Variants in OSBPL3 observed in about 807,000 individuals in gnomAD.
The protein encoded by OSBPL3 is oxysterol-binding protein-related protein 3.
A neutral mutation model predicts 120.1 loss-of-function variants in OSBPL3; 65 were observed. That is an observed-to-expected ratio of 0.54 (90% CI 0.44 to 0.67). The LOEUF (loss-of-function observed/expected upper bound fraction) is 0.67. OSBPL3 is among the 30% of genes least tolerant of loss of function. The pLI, the probability that OSBPL3 is intolerant of heterozygous loss-of-function variation, is 0.00. For synonymous variants in OSBPL3, 416 were observed against 402.6 expected (o/e 1.03, Z -0.40); for missense variants, 1,004 against 1,082.1 (o/e 0.93, Z 1.01).
chr7:24,814,941 T>C, intron 19 of OSBPL3, 118 bp downstream of exon 19: 1 of 921,566 alleles, frequency 1.1e-6, no homozygotes, highest in Non-Finnish European at 1.7e-6. Context: ...AGCTCAGGCA[T>C]TGCTTGCCTG....
chr7:24,930,160 T>C lies in OSBPL3; in HGVS notation c.-149-37539A>G, dbSNP rs1005637764. On this transcript the variant is annotated intron_variant, in intron 1 of 22. Transcript: ENST00000313367. This position sits in a 1 kb window ranked among gnomAD's most constrained non-coding sequence, Gnocchi z 4.4. ...CTGGAAAGGTTAATGACCAACTGAA[T>C]TGATGGCTTTATTCTTCTAATTAAC... 6.6e-6 allele frequency among the ~76,000 whole-genome samples: 1 copy of C among 152,200 alleles called. No homozygotes were observed. The highest frequency in any genetic ancestry group is 2.1e-4 in the South Asian group (1 of 4,832).
chr7:24,889,158 T>A (rs9639502), intron 2 of OSBPL3, among the ~76,000 whole-genome samples: 19,711 of 152,242 alleles, frequency 0.13, 1,923 homozygotes, highest in East Asian at 0.51. Flanking sequence ...TGCAGTGGAC[T>A]ACTATTCAGC....
Position 24,979,982 on chromosome 7 carries a change from G to C in OSBPL3, c.-246C>G, listed in dbSNP as rs946055553. 2 of 985,224 alleles carry C rather than the reference G, an allele frequency of 2.0e-6. No individual in the cohort carries two copies. The highest frequency in any genetic ancestry group is 2.4e-6 in the Non-Finnish European group (2 of 829,968). The allele number at this position is 985,224 out of a possible 1,614,324, so 61.0% of individuals were successfully genotyped here. A position where few individuals can be genotyped will look rare whatever the true frequency, so the allele number is the denominator to read the frequency against. On this transcript the variant is annotated 5_prime_UTR_variant, in exon 1 of 23. Transcript: ENST00000313367. The stretch of plus-strand genomic sequence containing the variant: ...GGAGAAGGCAACCCCGGCTTCTCCG[G>C]TACCCCCGCAACGTGCAGCTGACAG...
Position 24,849,273 on chromosome 7 carries a change from G to C in OSBPL3, c.1159-97C>G. The C allele has an allele frequency of 7.1e-6, 6 of 847,516 alleles. No homozygotes were observed. Among genetic ancestry groups the C allele is most frequent in the Non-Finnish European group, 1.1e-5 (6 of 526,382 alleles). 52.5% of individuals were successfully genotyped at this position (847,516 alleles called of 1,614,324 possible). On this transcript the variant is annotated intron_variant, in intron 11 of 22. Transcript: ENST00000313367. This position sits in a 1 kb window ranked among gnomAD's most constrained non-coding sequence, Gnocchi z 5.4. The stretch of plus-strand genomic sequence containing the variant: ...CAGGAGCGATCTCTAAGAGCTTGAT[G>C]AAACTCTTAGTGACGTGGTCTGACA...
At chr7:24,920,025 T>C (rs1397540468) in intron 1 of OSBPL3, among the ~76,000 whole-genome samples, 2 of 152,052 alleles carry the variant, frequency 1.3e-5, no homozygotes, top group Non-Finnish European at 2.9e-5. Context: ...ATCAAGGATG[T>C]GGAGAAACTG....
chr7:24,904,008 G>A (rs775473665), intron 1 of OSBPL3, among the ~76,000 whole-genome samples: 7 of 151,476 alleles, frequency 4.6e-5, no homozygotes, highest in Admixed American at 4.6e-4. Context: ...TCAGCCTCCC[G>A]AGTAGCGGAG....
At position 24,937,095 on chromosome 7, in the gene OSBPL3, A is replaced by G. The variant is rs1812514728; in HGVS notation, c.-150+42791T>C. ...CTGGGGAAGCCTCAGGAAACTTACA[A>G]TCATGGCAGAAGGGGAAGCAAACAT... is the stretch of plus-strand genomic sequence containing the variant. On this transcript the variant is annotated intron_variant, in intron 1 of 22. Coordinates refer to ENST00000313367, the MANE Select transcript of OSBPL3 (RefSeq NM_015550.4). This position sits in a 1 kb window ranked among gnomAD's most constrained non-coding sequence, Gnocchi z 4.0. Among the ~76,000 whole-genome samples, 1 of 152,220 alleles carries G rather than the reference A, an allele frequency of 6.6e-6. No homozygotes were observed. Among genetic ancestry groups the G allele is most frequent in the Non-Finnish European group, 1.5e-5 (1 of 68,032 alleles).
chr7:24,861,486 G>A (rs560080661), intron 10 of OSBPL3, 127 bp downstream of exon 10: 1 of 580,828 alleles, frequency 1.7e-6, no homozygotes, highest in African/African-American at 1.9e-5. Context: ...ATAAAGATTA[G>A]GTTTCCCTAA....
rs560858121 is a variant in OSBPL3, at chr7:24,877,530, G to A, written c.97-5461C>T. Among the ~76,000 whole-genome samples, 12 of 152,268 alleles carry A rather than the reference G, an allele frequency of 7.9e-5. No individual in the cohort carries two copies. The highest frequency in any genetic ancestry group is 2.1e-4 in the South Asian group (1 of 4,822). Reference sequence around the variant, plus strand: ...CCTCCCTAGCTAGAACATGGGTTCCGTGAGGACAGGGACTGTGTCTTATTT... The same window carrying A: ...CCTCCCTAGCTAGAACATGGGTTCCATGAGGACAGGGACTGTGTCTTATTT... On this transcript the variant is annotated intron_variant, in intron 2 of 22. Transcript: ENST00000313367. This position sits in a 1 kb window ranked among gnomAD's most constrained non-coding sequence, Gnocchi z 4.8.
intron 1 of OSBPL3, among the ~76,000 whole-genome samples, chr7:24,978,178 C>G (rs1250903778): frequency 1.3e-5 from 2 of 152,182 alleles, no homozygotes; most frequent in African/African-American, 4.8e-5. Context: ...AGCTAACAGA[C>G]TTCTGTAAGT....
chr7:24,978,049 T>A (rs1234241767), intron 1 of OSBPL3, among the ~76,000 whole-genome samples: 1 of 152,208 alleles, frequency 6.6e-6, no homozygotes, highest in Non-Finnish European at 1.5e-5. Context: ...TTTAGTTTAT[T>A]CGAAGAGGTC....
At chr7:24,816,541 T>C in intron 18 of OSBPL3, 69 bp downstream of exon 18, 1 of 1,026,424 alleles carries the variant, frequency 9.7e-7, no homozygotes, top group African/African-American at 1.6e-5. Context: ...GGGGTGGGCA[T>C]CCTGTCCCCA....
At chr7:24,814,949 C>T (rs1794288540) in intron 19 of OSBPL3, 110 bp downstream of exon 19, 1 of 1,008,334 alleles carries the variant, frequency 9.9e-7, no homozygotes, top group South Asian at 1.5e-5. Flanking sequence ...CATTGCTTGC[C>T]TGCTGGCATA....
In OSBPL3 at chr7:24,896,738, C is replaced by T. The variant is rs1014175422; in HGVS notation, c.-149-4117G>A. 3.9e-5 allele frequency among the ~76,000 whole-genome samples: 6 copies of T among 152,006 alleles called. No homozygotes were observed. The highest frequency in any genetic ancestry group is 7.4e-5 in the Non-Finnish European group (5 of 68,006). ...TTAAGCTCTCTGATTTATATTTTTT[C>T]CTGTATAAAATGGGGAATAATAATA... On this transcript the variant is annotated intron_variant, in intron 1 of 22. Transcript: ENST00000313367. This position sits in a 1 kb window ranked among gnomAD's most constrained non-coding sequence, Gnocchi z 4.4.
intron 5 of OSBPL3, among the ~76,000 whole-genome samples, chr7:24,869,093 A>G (rs1047930115): frequency 2.6e-5 from 4 of 152,208 alleles, no homozygotes; most frequent in East Asian, 1.9e-4. Flanking sequence ...AGATAACTAC[A>G]CTTACCTACA....
rs1796273968 is a variant in OSBPL3 at position 24,830,812 on chromosome 7, C to T, written c.1840G>A (p.Glu614Lys). The T allele has an allele frequency of 6.2e-7, 1 of 1,614,052 alleles. No homozygotes were observed. The highest frequency in any genetic ancestry group is 2.2e-5 in the East Asian group (1 of 44,882). ...PFNPVLGETY[E>K]CIREDKGFQF... ...AAGCCCTTGTCCTCCCGAATACATTCATATGTTTCTCCAAGAACCGGATTA... is the reference window on the plus strand; with the variant it reads ...AAGCCCTTGTCCTCCCGAATACATTTATATGTTTCTCCAAGAACCGGATTA... Residue 614 changes from glutamate to lysine, a missense_variant, in exon 16 of 23, where the codon GAA becomes AAA. Physicochemically the swap from Glu to Lys is moderately conservative, Grantham distance 56. Around this residue, in one of 4 missense-constraint regions of OSBPL3, gnomAD observed 473 missense variants for 568.0 expected, o/e 0.83. Coordinates refer to ENST00000313367, the MANE Select transcript of OSBPL3 (RefSeq NM_015550.4). This position sits in a 1 kb window ranked among gnomAD's most constrained non-coding sequence, Gnocchi z 4.4.
At chr7:24,979,820 G>C (rs1408670453) in intron 1 of OSBPL3, 66 bp downstream of exon 1, 1 of 681,850 alleles carries the variant, frequency 1.5e-6, no homozygotes, top group African/African-American at 2.0e-5. Flanking sequence ...CAGCCCTTCC[G>C]AGCCCGCGCC....
At chr7:24,838,585 G>A (rs1797305041) in intron 14 of OSBPL3, among the ~76,000 whole-genome samples, 2 of 152,184 alleles carry the variant, frequency 1.3e-5, no homozygotes. Context: ...AGCTTTTCCT[G>A]GCTGGTGTCA....
intron 1 of OSBPL3, among the ~76,000 whole-genome samples, chr7:24,970,566 TATAG>T (rs1816899306): frequency 6.6e-6 from 1 of 152,130 alleles, no homozygotes; most frequent in Non-Finnish European, 1.5e-5. Flanking sequence ...TATATAGAGA[TATAG>T]ATACAGATAG....
Sources: gnomAD v4.1 joint callset for allele counts (sites outside exome capture counted in the v4.1 genomes callset) on GRCh38, gnomAD v4.1.1 for gene constraint, gnomAD v4.1.1 regional missense constraint, Gnocchi (gnomAD v3.1) non-coding constraint, MANE v1.5 for transcripts, NCBI Gene and HGNC (gene_info 2026-07-23, HGNC 2026-07-21) for gene names.